Variants in ITPR2 observed in about 807,000 individuals in gnomAD.
ITPR2 encodes inositol 1,4,5-trisphosphate-gated calcium channel ITPR2.
ITPR2 carries 207 observed loss-of-function variants against 317.1 expected under a neutral mutation model. That is an observed-to-expected ratio of 0.65 (90% CI 0.58 to 0.73). The LOEUF is 0.73. Ranked by LOEUF, ITPR2 falls within the 30% of genes least tolerant of loss-of-function variation. The pLI, the probability that ITPR2 is intolerant of heterozygous loss-of-function variation, is 0.00. For synonymous variants in ITPR2, 1,156 were observed against 1,149.1 expected (o/e 1.01, Z -0.12); for missense variants, 2,613 against 3,284.0 (o/e 0.80, Z 4.99).
At chr12:26,563,390 T>C (rs910381597) in intron 34 of ITPR2, among the ~76,000 whole-genome samples, 1 of 151,972 alleles carries the variant, frequency 6.6e-6, no homozygotes, top group Non-Finnish European at 1.5e-5. Context: ...GCCAACATGG[T>C]GAAACCCCAT....
intron 2 of ITPR2, among the ~76,000 whole-genome samples, chr12:26,785,171 T>TG (rs777528638): frequency 1.8e-3 from 40 of 22,142 alleles, no homozygotes; most frequent in African/African-American, 3.6e-3. Flanking sequence ...GGGAGGGAGG[T>TG]GGGGGGGGGT....
intron 48 of ITPR2, 42 bp from the exon 49 acceptor site, chr12:26,428,130 C>T: frequency 1.4e-6 from 2 of 1,415,418 alleles, no homozygotes; most frequent in South Asian, 1.5e-5. Context: ...AAGAATAAAA[C>T]TAAAAAATGC....
At chr12:26,737,962 A>G (rs1160504504) in intron 2 of ITPR2, among the ~76,000 whole-genome samples, 1 of 152,142 alleles carries the variant, frequency 6.6e-6, no homozygotes, top group Non-Finnish European at 1.5e-5. Context: ...ACAGAGAGTC[A>G]AAGGTAGAAG....
chr12:26,720,389 T>C (rs915868596), intron 5 of ITPR2, among the ~76,000 whole-genome samples: 7 of 152,180 alleles, frequency 4.6e-5, no homozygotes, highest in Admixed American at 2.6e-4. Context: ...ATTTAATGTG[T>C]TTTTAAAGAA....
At chr12:26,381,218 C>A (rs928725839) in intron 55 of ITPR2, among the ~76,000 whole-genome samples, 12 of 152,156 alleles carry the variant, frequency 7.9e-5, no homozygotes, top group Non-Finnish European at 1.3e-4. Context: ...GTATTTTTAT[C>A]CTTCAGTTTT....
chr12:26,513,585 C>T (rs1046335097), intron 37 of ITPR2, among the ~76,000 whole-genome samples: 7 of 152,046 alleles, frequency 4.6e-5, no homozygotes, highest in Admixed American at 2.0e-4. Flanking sequence ...TGAGCATAAG[C>T]CAGCCATGAA....
intron 45 of ITPR2, among the ~76,000 whole-genome samples, chr12:26,445,273 T>A (rs1028240300): frequency 5.9e-5 from 9 of 152,174 alleles, no homozygotes; most frequent in Admixed American, 5.2e-4. Context: ...GTTTTGGACA[T>A]ATGAAGCTTT....
At chr12:26,579,344 A>G (rs1945342220) in intron 33 of ITPR2, among the ~76,000 whole-genome samples, 1 of 152,220 alleles carries the variant, frequency 6.6e-6, no homozygotes, top group African/African-American at 2.4e-5. Flanking sequence ...TTTGTGGACC[A>G]CAGAAATGAA....
chr12:26,578,889 T>G, intron 33 of ITPR2, 56 bp from the exon 34 acceptor site: 3 of 1,537,504 alleles, frequency 2.0e-6, no homozygotes, highest in Non-Finnish European at 2.7e-6. Context: ...ACAGCCCTGA[T>G]GTAGCATCTA....
intron 54 of ITPR2, among the ~76,000 whole-genome samples, chr12:26,392,312 T>C (rs1477682061): frequency 2.0e-5 from 3 of 152,218 alleles, no homozygotes; most frequent in Non-Finnish European, 4.4e-5. Flanking sequence ...TGCACTGACA[T>C]TCCACTCAGC....
chr12:26,738,725 T>C lies in ITPR2; in HGVS notation c.164-12960A>G, dbSNP rs188104766. On this transcript the variant is annotated intron_variant, in intron 2 of 56. Coordinates refer to ENST00000381340, the MANE Select transcript of ITPR2 (RefSeq NM_002223.4). The stretch of plus-strand genomic sequence containing the variant: ...TTCCTTTTACAGTCTCTTATTTCAC[T>C]CTCTCTCCAATATTTCCTTTATCAA... 3.3e-4 allele frequency among the ~76,000 whole-genome samples: 50 copies of C among 152,214 alleles called. No homozygotes were observed. The East Asian group carries it at 9.5e-3, about 29-fold the overall frequency.
chr12:26,573,895 A>G (rs1270405347), intron 34 of ITPR2, among the ~76,000 whole-genome samples: 13 of 152,210 alleles, frequency 8.5e-5, no homozygotes, highest in African/African-American at 3.1e-4. Flanking sequence ...TCAGGTTTAC[A>G]TGTTAAGATC....
chr12:26,692,856 G>T (rs1948266469), intron 10 of ITPR2, among the ~76,000 whole-genome samples: 1 of 152,166 alleles, frequency 6.6e-6, no homozygotes, highest in Non-Finnish European at 1.5e-5. Context: ...GAAAAAATTA[G>T]CATGGTCATA....
chr12:26,672,004 C>G (rs1368916495), intron 13 of ITPR2, among the ~76,000 whole-genome samples: 2 of 151,950 alleles, frequency 1.3e-5, no homozygotes, highest in Non-Finnish European at 2.9e-5. Context: ...AGCTAACTAT[C>G]CTAAATATAT....
chr12:26,474,344 C>G (rs1219334892), intron 45 of ITPR2, among the ~76,000 whole-genome samples: 3 of 152,164 alleles, frequency 2.0e-5, no homozygotes, highest in Non-Finnish European at 2.9e-5. Flanking sequence ...TAGACAAAAT[C>G]AAATTGGCAA....
rs549788225 is a variant in ITPR2, at chr12:26,393,579, T to C, written c.7696+5297A>G. On this transcript the variant is annotated intron_variant, in intron 54 of 56. Coordinates refer to ENST00000381340, the MANE Select transcript of ITPR2 (RefSeq NM_002223.4). ...TCATTTTTTAAAAAAGTTTCTATTTTATTTTAAATATTCACGCTGAATTTG... is the reference window on the plus strand; with the variant it reads ...TCATTTTTTAAAAAAGTTTCTATTTCATTTTAAATATTCACGCTGAATTTG... 5.9e-5 allele frequency among the ~76,000 whole-genome samples: 9 copies of C among 152,364 alleles called. No homozygotes were observed. In the South Asian group the frequency reaches 1.9e-3, roughly 32 times the overall value.
At chr12:26,567,417 T>C (rs1279537755) in intron 34 of ITPR2, among the ~76,000 whole-genome samples, 1 of 152,196 alleles carries the variant, frequency 6.6e-6, no homozygotes, top group African/African-American at 2.4e-5. Context: ...AAGGTTTTTT[T>C]GTTTCCCTCA....
rs549033477 is a variant in ITPR2, at chr12:26,498,700, A to C, written c.5074-3440T>G. Among the ~76,000 whole-genome samples the C allele has an allele frequency of 3.4e-4, 51 of 152,184 alleles. 1 individual carries two copies. Among genetic ancestry groups the C allele is most frequent in the Non-Finnish European group, 6.3e-4 (43 of 68,018 alleles). On this transcript the variant is annotated intron_variant, in intron 37 of 56. Transcript: ENST00000381340. ...CCCACCTGTAATAACTAAAGCTGAC[A>C]GTGTGAAAATCCAGGACTTTTTCTT...
chr12:26,502,823 C>G (rs1045213089), intron 37 of ITPR2, among the ~76,000 whole-genome samples: 1 of 152,150 alleles, frequency 6.6e-6, no homozygotes. Flanking sequence ...AGGTCTTCCT[C>G]CTAGACAATG....
Sources: allele counts gnomAD v4.1 joint callset (sites outside exome capture counted in the v4.1 genomes callset), GRCh38; gene constraint gnomAD v4.1.1; transcripts MANE v1.5; gene names NCBI Gene and HGNC (gene_info 2026-07-23, HGNC 2026-07-21).